Variants in SPTBN4 observed in about 807,000 individuals in gnomAD.
The protein encoded by SPTBN4 is spectrin beta chain, non-erythrocytic 4.
Under a neutral mutation model 277.8 loss-of-function variants are expected in SPTBN4, and 96 were observed. The ratio of observed to expected loss-of-function variants is 0.35; its 90% confidence interval spans 0.29 to 0.41. The LOEUF is 0.41. SPTBN4 is among the 10% of genes least tolerant of loss of function. The pLI is 1.00. For missense variants in SPTBN4, 3,006 were observed against 3,595.7 expected (o/e 0.84, Z 4.19); for synonymous variants, 1,481 against 1,580.3 (o/e 0.94, Z 1.49).
At chr19:40,499,121 C>T (rs553582811) in intron 7 of SPTBN4, among the ~76,000 whole-genome samples, 3 of 151,868 alleles carry the variant, frequency 2.0e-5, no homozygotes, top group African/African-American at 7.2e-5. Flanking sequence ...CTCCGCCTCC[C>T]GGGTTCAAGT....
intron 13 of SPTBN4, among the ~76,000 whole-genome samples, chr19:40,509,986 C>T (rs1295581318): frequency 6.6e-6 from 1 of 152,110 alleles, no homozygotes; most frequent in Non-Finnish European, 1.5e-5. Flanking sequence ...TTTGCCCTCG[C>T]CTTGTGAATT....
chr19:40,560,731 G>A lies in SPTBN4; in HGVS notation c.5915+328G>A. ...TGTGGGACTGTATTTGTGAGGGTGG[G>A]TGAAGAATTCTAACAATTCCAGCAT... On this transcript the variant is annotated intron_variant, in intron 27 of 35. Transcript: ENST00000598249. The surrounding 1 kb of genome is among the most constrained non-coding windows in gnomAD (Gnocchi z 5.2). 2.9e-6 allele frequency: 4 copies of A among 1,358,384 alleles called. No individual in the cohort carries two copies. The highest frequency in any genetic ancestry group is 3.8e-6 in the Non-Finnish European group (4 of 1,057,642). The allele number at this position is 1,358,384 out of a possible 1,614,324, so 84.1% of individuals were successfully genotyped here.
chr19:40,572,541 T>A, intron 35 of SPTBN4, 161 bp downstream of exon 35: 3 of 858,438 alleles, frequency 3.5e-6, no homozygotes, highest in Non-Finnish European at 3.7e-6. Context: ...CCAAAGGAGG[T>A]TCCTAACCCA....
chr19:40,496,442 G>T (rs1050056938), intron 6 of SPTBN4, among the ~76,000 whole-genome samples: 1 of 151,872 alleles, frequency 6.6e-6, no homozygotes, highest in African/African-American at 2.4e-5. Flanking sequence ...GTGCCACCAC[G>T]CCCGGCTAAT....
At position 40,467,187 on chromosome 19, in the gene SPTBN4, G is replaced by T. The variant is rs922960157; in HGVS notation, c.-134G>T. ...GGATCTGGCTGAGCCGCGGGCCGGC[G>T]GGGCCGAGCTGAGCCGGGCTGGGCC... On this transcript the variant is annotated 5_prime_UTR_variant, in exon 1 of 36. Transcript: ENST00000598249. 34 of 149,628 alleles carry T rather than the reference G, an allele frequency of 2.3e-4. No individual in the cohort carries two copies. Among genetic ancestry groups the T allele is most frequent in the African/African-American group, 8.3e-4 (34 of 41,012 alleles). The allele number at this position is 149,628 out of a possible 1,614,324, so 9.3% of individuals were successfully genotyped here.
chr19:40,476,866 C>A (rs1599709276), intron 2 of SPTBN4, among the ~76,000 whole-genome samples: 1 of 151,874 alleles, frequency 6.6e-6, no homozygotes, highest in South Asian at 2.1e-4. Context: ...GAATTACAGG[C>A]ATGAGCCACC....
At chr19:40,508,414 C>T (rs1285955296) in intron 13 of SPTBN4, among the ~76,000 whole-genome samples, 5 of 152,132 alleles carry the variant, frequency 3.3e-5, no homozygotes, top group South Asian at 2.1e-4. Flanking sequence ...GGGCTAGGCG[C>T]GGTGGCTCAC....
intron 18 of SPTBN4, 137 bp downstream of exon 18, chr19:40,529,268 G>A: frequency 2.6e-6 from 2 of 772,304 alleles, no homozygotes; most frequent in South Asian, 1.7e-5. Flanking sequence ...GCCAGGGGGC[G>A]CGCGGAGCCG....
In SPTBN4 at chr19:40,534,755, C is replaced by T. The variant is rs1025492360; in HGVS notation, c.4359+412C>T. 22 of 194,216 alleles carry T rather than the reference C, an allele frequency of 1.1e-4. 1 individual carries two copies. The highest frequency in any genetic ancestry group is 1.1e-3 in the Admixed American group (21 of 18,948). 12.0% of individuals were successfully genotyped at this position (194,216 alleles called of 1,614,324 possible). A position where few individuals can be genotyped will look rare whatever the true frequency, so the allele number is the denominator to read the frequency against. ...AAGCACTCACTGAACTCATCCCAGC[C>T]ACTTCTGGAGATTGGTACTGTTATT... On this transcript the variant is annotated intron_variant, in intron 20 of 35. Transcript: ENST00000598249.
chr19:40,511,782 G>A (rs182534310), intron 13 of SPTBN4, among the ~76,000 whole-genome samples: 22 of 152,252 alleles, frequency 1.4e-4, no homozygotes, highest in Admixed American at 1.1e-3. Context: ...GGGATTGATA[G>A]ATAATGCAAC....
At chr19:40,537,585 A>C (rs557953319) in intron 20 of SPTBN4, among the ~76,000 whole-genome samples, 2 of 152,220 alleles carry the variant, frequency 1.3e-5, no homozygotes, top group Non-Finnish European at 2.9e-5. Flanking sequence ...GGGCACTGTT[A>C]ACTCCTCTCT....
chr19:40,568,340 G>A (rs1869460451), intron 31 of SPTBN4, 58 bp downstream of exon 31: 1 of 1,512,298 alleles, frequency 6.6e-7, no homozygotes, highest in Non-Finnish European at 8.8e-7. Context: ...AGAGCTCCTA[G>A]AACCCCTCAG....
intron 26 of SPTBN4, among the ~76,000 whole-genome samples, chr19:40,558,024 A>G (rs1455650740): frequency 6.6e-6 from 1 of 151,136 alleles, no homozygotes; most frequent in Admixed American, 6.6e-5. Flanking sequence ...GGGAATTTTG[A>G]GAAGTCTGAG....
Position 40,554,052 on chromosome 19 carries a change from C to T in SPTBN4, c.4675-95C>T, listed in dbSNP as rs1215100315. The T allele has an allele frequency of 2.4e-6, 3 of 1,251,732 alleles. No individual in the cohort carries two copies. Among genetic ancestry groups the T allele is most frequent in the Non-Finnish European group, 3.1e-6 (3 of 963,098 alleles). The allele number at this position is 1,251,732 out of a possible 1,614,324, so 77.5% of individuals were successfully genotyped here. A position where few individuals can be genotyped will look rare whatever the true frequency, so the allele number is the denominator to read the frequency against. On this transcript the variant is annotated intron_variant, in intron 22 of 35. Transcript: ENST00000598249. This position sits in a 1 kb window ranked among gnomAD's most constrained non-coding sequence, Gnocchi z 5.7. ...GCGAGCTGGGGGTGCTTGTTAATTG[C>T]CCCGTGGGCCGTGCCAGTAGCAGAG...
At position 40,550,305 on chromosome 19, in the gene SPTBN4, A is replaced by G; in HGVS notation, c.4652A>G (p.Gln1551Arg). 6.2e-7 allele frequency: 1 copy of G among 1,610,618 alleles called. No homozygotes were observed. Among genetic ancestry groups the G allele is most frequent in the African/African-American group, 1.3e-5 (1 of 75,042 alleles). ...TERGNGLQAV[Q>R]QHIKKNQGLR... ...CGAGGCAACGGTTTGCAGGCGGTCC[A>G]GCAGCACATCAAAAAGAACCAGGTG... Residue 1551 changes from glutamine to arginine, a missense_variant, in exon 22 of 36, where the codon CAG becomes CGG. By Grantham distance (43) the Gln-to-Arg change is conservative (BLOSUM62 1). This residue lies in a region of SPTBN4 where 1,759 missense variants were observed against 2,061.5 expected (regional missense o/e 0.85). Transcript: ENST00000598249.
intron 17 of SPTBN4, among the ~76,000 whole-genome samples, chr19:40,528,074 AAAGG>A (rs1163379581): frequency 2.0e-5 from 3 of 150,804 alleles, no homozygotes; most frequent in Non-Finnish European, 3.0e-5. Context: ...AAAAAAAAAA[AAAGG>A]ACTCTAAGGA....
At position 40,560,519 on chromosome 19, in the gene SPTBN4, C is replaced by A; in HGVS notation, c.5915+116C>A. 1.3e-6 allele frequency: 2 copies of A among 1,578,496 alleles called. No homozygotes were observed. The highest frequency in any genetic ancestry group is 1.7e-5 in the Admixed American group (1 of 58,418). On this transcript the variant is annotated intron_variant, in intron 27 of 35. Coordinates refer to ENST00000598249, the MANE Select transcript of SPTBN4 (RefSeq NM_020971.3). This position sits in a 1 kb window ranked among gnomAD's most constrained non-coding sequence, Gnocchi z 5.2. Reference sequence around the variant, plus strand: ...ATGACAACAGCCAATATCTGTGTGGCGCCTCTGTGTGCTAGGCACTGTTCT... The same window carrying A: ...ATGACAACAGCCAATATCTGTGTGGAGCCTCTGTGTGCTAGGCACTGTTCT...
chr19:40,497,540 C>T lies in SPTBN4; in HGVS notation c.720C>T (p.Asn240=). 1 of 1,614,124 alleles carries T rather than the reference C, an allele frequency of 6.2e-7. No homozygotes were observed. The highest frequency in any genetic ancestry group is 8.5e-7 in the Non-Finnish European group (1 of 1,180,024). The change falls in exon 7 of 36, where the codon AAC becomes AAT. Residue 240 remains asparagine (N), a synonymous_variant. Transcript: ENST00000598249. ...SKLTKSNANY[N]LQRAFRTAEQ... ...TCACCAAGTCCAATGCCAACTACAA[C>T]CTGCAGAGAGCCTTCCGCACAGCTG...
At position 40,490,137 on chromosome 19, in the gene SPTBN4, G is replaced by A. The variant is rs560717880; in HGVS notation, c.384G>A (p.Gln128=). The A allele has an allele frequency of 6.2e-7, 1 of 1,614,210 alleles. No individual in the cohort carries two copies. Among genetic ancestry groups the A allele is most frequent in the East Asian group, 2.2e-5 (1 of 44,878 alleles). Residue 128 remains glutamine (Q), a synonymous_variant, in exon 4 of 36, where the codon CAG becomes CAA. Transcript: ENST00000598249. The surrounding 1 kb of genome is among the most constrained non-coding windows in gnomAD (Gnocchi z 4.3). ...HSLENVDKAL[Q]FLKEQRVHLE... is the part of the protein sequence containing the mutation. The stretch of plus-strand genomic sequence containing the variant: ...TGGAGAACGTGGACAAGGCGCTGCA[G>A]TTTCTGAAGGAGCAGCGCGTGCACC...
Sources: allele counts gnomAD v4.1 joint callset (sites outside exome capture counted in the v4.1 genomes callset), GRCh38; gene constraint gnomAD v4.1.1; regional missense constraint gnomAD v4.1.1; non-coding constraint Gnocchi (gnomAD v3.1); transcripts MANE v1.5; gene names NCBI Gene and HGNC (gene_info 2026-07-23, HGNC 2026-07-21).